The following SLC9A2 variants were observed in gnomAD, a reference collection of about 807,000 sequenced individuals.
SLC9A2 encodes the protein sodium/hydrogen exchanger 2.
Under a neutral mutation model 71.7 loss-of-function variants are expected in SLC9A2, and 42 were observed. The ratio of observed to expected loss-of-function variants is 0.59; its 90% CI spans 0.46 to 0.76. SLC9A2 has a LOEUF of 0.76. SLC9A2 is among the 30% of genes least tolerant of loss of function. The probability of loss-of-function intolerance (pLI) is 0.00; values close to 1 mark genes in which losing one functional copy is unlikely to be tolerated. For synonymous variants in SLC9A2, 396 were observed against 392.5 expected, an observed-to-expected ratio of 1.01 and a Z score of -0.10; for missense variants, 829 against 1,017.4, an observed-to-expected ratio of 0.81 and a Z score of 2.52.
intron 5 of SLC9A2, 43 bp from the exon 6 acceptor site, chr2:102,694,371 G>A (rs774883502): frequency 2.6e-6 from 2 of 766,906 alleles, no homozygotes; most frequent in Non-Finnish European, 3.9e-6. Flanking sequence ...TTTATAAATT[G>A]TATAAATATA....
chr2:102,656,596 A>G (rs948192024), intron 1 of SLC9A2, among the ~76,000 whole-genome samples: 12 of 152,220 alleles, frequency 7.9e-5, no homozygotes, highest in Admixed American at 1.3e-4. Flanking sequence ...CATCCTGACG[A>G]ATTGATTGGG....
chr2:102,694,486 GA>G lies in SLC9A2; in HGVS notation c.1500del (p.Glu501LysfsTer10). The G allele has an allele frequency of 6.5e-7, 1 of 1,535,978 alleles. No individual in the cohort carries two copies. Among genetic ancestry groups the G allele is most frequent in the Non-Finnish European group, 8.9e-7 (1 of 1,127,568 alleles). On this transcript the variant is annotated frameshift_variant, in exon 6 of 12. Transcript: ENST00000233969. LOFTEE classifies it high-confidence loss of function. ...CAATAAGAAACAACAAGCTGTCAGT[GA>G]AGAAATCTATTGTCGGGTAGGTGTT... Reference protein sequence around the residue: ...RSNKKQQAVSEEIYCRLFDHV... With the variant: ...RSNKKQQAVSXEIYCRLFDHV...
At chr2:102,637,477 G>A (rs1043422459) in intron 1 of SLC9A2, among the ~76,000 whole-genome samples, 1 of 152,194 alleles carries the variant, frequency 6.6e-6, no homozygotes, top group Non-Finnish European at 1.5e-5. Context: ...CAGTGGGTGT[G>A]GTGTGGGTTA....
At chr2:102,686,821 A>T (rs1486555312) in intron 5 of SLC9A2, 2 of 152,440 alleles carry the variant, frequency 1.3e-5, no homozygotes, top group Non-Finnish European at 2.9e-5. Context: ...GTTCTCAGTG[A>T]TGTAGGAGCA....
At chr2:102,687,275 A>C (rs537305067) in intron 5 of SLC9A2, among the ~76,000 whole-genome samples, 1 of 152,246 alleles carries the variant, frequency 6.6e-6, no homozygotes, top group Admixed American at 6.5e-5. Context: ...GGTTCTTAAG[A>C]TACTCTGAAC....
intron 1 of SLC9A2, among the ~76,000 whole-genome samples, chr2:102,657,197 C>A (rs1446775450): frequency 7.4e-5 from 11 of 148,212 alleles, no homozygotes; most frequent in African/African-American, 2.6e-4. Context: ...CAGAGCAAGA[C>A]TCCATCTCAA....
chr2:102,669,610 T>G (rs1391115571), intron 3 of SLC9A2, among the ~76,000 whole-genome samples: 1 of 152,234 alleles, frequency 6.6e-6, no homozygotes, highest in African/African-American at 2.4e-5. Context: ...GAGAGGTGAC[T>G]AATAGTTATT....
chr2:102,675,381 AAGG>A (rs779642774), intron 3 of SLC9A2, among the ~76,000 whole-genome samples: 12 of 152,310 alleles, frequency 7.9e-5, no homozygotes, highest in Non-Finnish European at 1.5e-5. Context: ...TGGAATCTTT[AAGG>A]AGAAGTGACA....
intron 1 of SLC9A2, among the ~76,000 whole-genome samples, chr2:102,635,183 G>A (rs999564968): frequency 3.3e-5 from 5 of 152,176 alleles, no homozygotes; most frequent in Admixed American, 6.5e-5. Flanking sequence ...AGCGTGCATC[G>A]GCTGACTGTA....
At chr2:102,692,854 A>G (rs375571144) in intron 5 of SLC9A2, among the ~76,000 whole-genome samples, 4 of 152,234 alleles carry the variant, frequency 2.6e-5, no homozygotes. Flanking sequence ...ATATCTCAAA[A>G]TGTCCTTAAT....
intron 1 of SLC9A2, among the ~76,000 whole-genome samples, chr2:102,642,202 C>T (rs976995175): frequency 1.3e-5 from 2 of 152,154 alleles, no homozygotes; most frequent in African/African-American, 4.8e-5. Context: ...ACAGGCTGTG[C>T]AAGCATTTCT....
At chr2:102,643,849 C>T (rs1449797131) in intron 1 of SLC9A2, among the ~76,000 whole-genome samples, 1 of 151,800 alleles carries the variant, frequency 6.6e-6, no homozygotes, top group African/African-American at 2.4e-5. Context: ...AGGCGTGATC[C>T]CACTAATGAT....
rs532505146 is a variant in SLC9A2 at position 102,649,695 on chromosome 2, T to G, written c.290-7869T>G. 3.9e-5 allele frequency among the ~76,000 whole-genome samples: 6 copies of G among 152,272 alleles called. No individual in the cohort carries two copies. In the East Asian group the frequency reaches 1.2e-3, roughly 29 times the overall value. Reference sequence around the variant, plus strand: ...CAGATGCTTCTCAAAAGAAGACATTTATGTGGCCAACAAACATGAAAAAAA... The same window carrying G: ...CAGATGCTTCTCAAAAGAAGACATTGATGTGGCCAACAAACATGAAAAAAA... On this transcript the variant is annotated intron_variant, in intron 1 of 11. Transcript: ENST00000233969.
At chr2:102,691,800 C>A (rs541576726) in intron 5 of SLC9A2, among the ~76,000 whole-genome samples, 4 of 152,252 alleles carry the variant, frequency 2.6e-5, no homozygotes, top group African/African-American at 9.6e-5. Context: ...TTTATGGTAG[C>A]GCATTCACTT....
rs1222585261 is a variant in SLC9A2, at chr2:102,708,631, A to G, written c.*142A>G. On this transcript the variant is annotated 3_prime_UTR_variant, in exon 12 of 12. Coordinates refer to ENST00000233969, the MANE Select transcript of SLC9A2 (RefSeq NM_003048.6). The stretch of plus-strand genomic sequence containing the variant: ...GGAGGGCGACAGATTCATGCCACGG[A>G]TAAATGAGGCAAATCCGAAGAAAAG... 1 of 959,210 alleles carries G rather than the reference A, an allele frequency of 1.0e-6. No individual in the cohort carries two copies. The highest frequency in any genetic ancestry group is 1.5e-6 in the Non-Finnish European group (1 of 653,844). The allele number at this position is 959,210 out of a possible 1,614,324, so 59.4% of individuals were successfully genotyped here.
chr2:102,694,561 C>A (rs1382748887), intron 6 of SLC9A2, 58 bp downstream of exon 6: 10 of 824,782 alleles, frequency 1.2e-5, no homozygotes, highest in South Asian at 4.8e-5. Flanking sequence ...TTGAATCAGT[C>A]AAACAGCTTG....
intron 1 of SLC9A2, among the ~76,000 whole-genome samples, chr2:102,633,784 G>A (rs1278877089): frequency 3.3e-5 from 5 of 152,090 alleles, no homozygotes; most frequent in African/African-American, 7.2e-5. Context: ...TATTTAACAC[G>A]TTAAGTATTC....
At chr2:102,635,246 T>G (rs578137242) in intron 1 of SLC9A2, among the ~76,000 whole-genome samples, 1 of 152,302 alleles carries the variant, frequency 6.6e-6, no homozygotes, top group African/African-American at 2.4e-5. Flanking sequence ...ACTGAAAAAT[T>G]GCGGCTTCTT....
intron 1 of SLC9A2, among the ~76,000 whole-genome samples, chr2:102,630,691 T>G (rs1676339589): frequency 6.6e-6 from 1 of 152,032 alleles, no homozygotes; most frequent in South Asian, 2.1e-4. Context: ...ATTTCTAATC[T>G]GTGCTTAACC....
Sources: allele counts gnomAD v4.1 joint callset (sites outside exome capture counted in the v4.1 genomes callset), GRCh38; gene constraint gnomAD v4.1.1; transcripts MANE v1.5; gene names NCBI Gene and HGNC (gene_info 2026-07-23, HGNC 2026-07-21).